FMN1: variants seen among roughly 807,000 people sequenced by gnomAD.
FMN1 encodes the protein formin 1.
Under a neutral mutation model 132.4 loss-of-function variants are expected in FMN1, and 110 were observed. The ratio of observed to expected loss-of-function variants is 0.83; its 90% CI spans 0.71 to 0.97. FMN1 has a LOEUF of 0.97. FMN1 is among the 50% of genes least tolerant of loss of function. The pLI, the probability that FMN1 is intolerant of heterozygous loss-of-function variation, is 0.00. For missense variants in FMN1, 1,792 were observed against 1,705.3 expected (o/e 1.05, Z -0.90); for synonymous variants, 722 against 651.7 (o/e 1.11, Z -1.64).
At chr15:32,933,076 G>C (rs1305104596) in intron 9 of FMN1, among the ~76,000 whole-genome samples, 1 of 151,798 alleles carries the variant, frequency 6.6e-6, no homozygotes, top group Admixed American at 6.6e-5. Flanking sequence ...TGTAGAGTCA[G>C]GTTGTTTATT....
intron 3 of FMN1, among the ~76,000 whole-genome samples, chr15:33,176,430 CG>C (rs1432660474): frequency 6.7e-6 from 1 of 148,832 alleles, no homozygotes; most frequent in Admixed American, 6.9e-5. Context: ...TGCTTGAACC[CG>C]GGAGGCAAAG....
intron 16 of FMN1, among the ~76,000 whole-genome samples, chr15:32,884,492 G>A (rs1336602589): frequency 2.0e-5 from 3 of 152,112 alleles, no homozygotes; most frequent in Non-Finnish European, 4.4e-5. Flanking sequence ...CCACTTGGAC[G>A]GTCCAGGATA....
At chr15:33,106,811 G>C (rs1354546690) in intron 4 of FMN1, among the ~76,000 whole-genome samples, 1 of 151,986 alleles carries the variant, frequency 6.6e-6, no homozygotes, top group Non-Finnish European at 1.5e-5. Flanking sequence ...TAAAATCTCT[G>C]AAATCGCCCC....
In FMN1 at chr15:33,075,020, C is replaced by CAAAAAAAAAA. The variant is rs57504432; in HGVS notation, c.2044-9956_2044-9947dup. On this transcript the variant is annotated intron_variant, in intron 5 of 20. Transcript: ENST00000616417. ...TGGGCAACTGAGCAAGATTCCATCT[C>CAAAAAAAAAA]AAAAAAAAAAAAAAAAAAAAAAAAA... is the stretch of plus-strand genomic sequence containing the variant. Among the ~76,000 whole-genome samples, 147 of 61,650 alleles carry CAAAAAAAAAA rather than the reference C, an allele frequency of 2.4e-3. 11 individuals carry two copies. Among genetic ancestry groups the CAAAAAAAAAA allele is most frequent in the Non-Finnish European group, 3.2e-3 (112 of 35,278 alleles). 40.4% of individuals were successfully genotyped at this position (61,650 alleles called of 152,430 possible).
intron 5 of FMN1, among the ~76,000 whole-genome samples, chr15:33,088,276 A>G (rs945085807): frequency 3.3e-5 from 5 of 152,236 alleles, no homozygotes; most frequent in African/African-American, 1.2e-4. Flanking sequence ...ACTTTAAAAA[A>G]GAGAAGGGAG....
intron 7 of FMN1, among the ~76,000 whole-genome samples, chr15:32,998,397 C>T (rs1039576070): frequency 2.0e-5 from 3 of 152,174 alleles, no homozygotes; most frequent in African/African-American, 7.2e-5. Context: ...TGAGTTGGGA[C>T]AGATGCAGGG....
intron 6 of FMN1, among the ~76,000 whole-genome samples, chr15:33,032,801 T>C (rs11635106): frequency 0.27 from 40,977 of 151,972 alleles, 5,762 homozygotes; most frequent in Non-Finnish European, 0.31. Flanking sequence ...CCAGAAGGCC[T>C]GGTTCAAATC....
intron 17 of FMN1, 31 bp from the exon 18 acceptor site, chr15:32,804,363 T>C: frequency 7.0e-7 from 1 of 1,438,464 alleles, no homozygotes; most frequent in East Asian, 2.5e-5. Flanking sequence ...TTAAAAATTT[T>C]TTCTTCTGTT....
At chr15:32,931,410 T>C (rs2061114219) in intron 9 of FMN1, among the ~76,000 whole-genome samples, 1 of 152,256 alleles carries the variant, frequency 6.6e-6, no homozygotes, top group African/African-American at 2.4e-5. Context: ...TACTAGTCTT[T>C]TACCCTCTTC....
At chr15:32,998,464 C>A (rs1023965909) in intron 7 of FMN1, among the ~76,000 whole-genome samples, 1 of 152,154 alleles carries the variant, frequency 6.6e-6, no homozygotes, top group Middle Eastern at 3.2e-3. Flanking sequence ...AGGAAACTTA[C>A]GCCAGCTACT....
Position 32,902,212 on chromosome 15 carries a change from A to G in FMN1, c.3378-172T>C, listed in dbSNP as rs930603023. Among the ~76,000 whole-genome samples, 4 of 152,234 alleles carry G rather than the reference A, an allele frequency of 2.6e-5. No individual in the cohort carries two copies. In the East Asian group the frequency reaches 7.7e-4, roughly 29 times the overall value. On this transcript the variant is annotated intron_variant, in intron 12 of 20. Transcript: ENST00000616417. Reference sequence around the variant, plus strand: ...TCCAAGGGCATGGTTTCCATTGTTGACAACAGGGCTGTTTTTTAAAGGAGT... The same window carrying G: ...TCCAAGGGCATGGTTTCCATTGTTGGCAACAGGGCTGTTTTTTAAAGGAGT...
chr15:32,886,943 G>A (rs931752177), intron 16 of FMN1, among the ~76,000 whole-genome samples: 2 of 151,914 alleles, frequency 1.3e-5, no homozygotes, highest in Admixed American at 1.3e-4. Context: ...TTCACATATC[G>A]CATTTCTAAA....
chr15:33,109,399 T>C (rs1339272757), intron 4 of FMN1, among the ~76,000 whole-genome samples: 3 of 151,990 alleles, frequency 2.0e-5, no homozygotes, highest in African/African-American at 7.2e-5. Context: ...CCAAATGAAA[T>C]GCGAGCACTA....
chr15:33,178,211 C>T (rs1169820973), intron 3 of FMN1, among the ~76,000 whole-genome samples: 3 of 152,194 alleles, frequency 2.0e-5, no homozygotes, highest in South Asian at 2.1e-4. Context: ...AGAACATTCA[C>T]TGTTAGCTTA....
intron 4 of FMN1, among the ~76,000 whole-genome samples, chr15:33,092,765 G>A (rs7170779): frequency 6.6e-6 from 1 of 152,154 alleles, no homozygotes; most frequent in African/African-American, 2.4e-5. Flanking sequence ...TATCATGTCT[G>A]CTCCCACTAG....
chr15:33,183,587 C>A (rs1367256908), intron 2 of FMN1, among the ~76,000 whole-genome samples: 6 of 152,188 alleles, frequency 3.9e-5, no homozygotes, highest in Non-Finnish European at 8.8e-5. Flanking sequence ...TACATAATTT[C>A]ATACACCCAA....
chr15:32,993,916 G>A (rs1280059361), intron 7 of FMN1, among the ~76,000 whole-genome samples: 2 of 149,560 alleles, frequency 1.3e-5, no homozygotes, highest in South Asian at 2.2e-4. Context: ...GCGGGGTGGG[G>A]GGGGTCTTTT....
At chr15:32,851,657 A>G (rs1326999805) in intron 17 of FMN1, among the ~76,000 whole-genome samples, 1 of 152,258 alleles carries the variant, frequency 6.6e-6, no homozygotes, top group African/African-American at 2.4e-5. Context: ...TCTTCTCAGA[A>G]AATGAAATTA....
intron 16 of FMN1, among the ~76,000 whole-genome samples, chr15:32,872,216 T>C (rs965090045): frequency 1.3e-5 from 2 of 152,234 alleles, no homozygotes; most frequent in African/African-American, 4.8e-5. Context: ...AAATTTTAAA[T>C]GCTCAGACTT....
Sources: allele counts gnomAD v4.1 joint callset (sites outside exome capture counted in the v4.1 genomes callset), GRCh38; gene constraint gnomAD v4.1.1; transcripts MANE v1.5; gene names NCBI Gene and HGNC (gene_info 2026-07-23, HGNC 2026-07-21).